The following PTPRG variants were observed in gnomAD, a reference collection of about 807,000 sequenced individuals.
PTPRG encodes protein tyrosine phosphatase receptor type G.
In PTPRG, 102 loss-of-function variants were observed where a neutral mutation model predicts 165.3. The observed-to-expected ratio is 0.62, with a 90% CI of 0.53 to 0.73. PTPRG has a LOEUF of 0.73. Among genes scored for constraint, PTPRG ranks in the 30% least tolerant of loss-of-function variants. PTPRG has a pLI of 0.00. For synonymous variants in PTPRG, 675 were observed against 669.5 expected, an observed-to-expected ratio of 1.01 and a Z score of -0.13; for missense variants, 1,866 against 1,861.4, an observed-to-expected ratio of 1.00 and a Z score of -0.05.
At chr3:61,909,524 A>AT (rs1212687621) in intron 2 of PTPRG, among the ~76,000 whole-genome samples, 1 of 151,900 alleles carries the variant, frequency 6.6e-6, no homozygotes, top group Non-Finnish European at 1.5e-5. Context: ...ATTTTTAAAA[A>AT]TTTTTTTGTA....
chr3:62,208,539 C>G (rs1488660306), intron 12 of PTPRG, among the ~76,000 whole-genome samples: 1 of 152,146 alleles, frequency 6.6e-6, no homozygotes, highest in East Asian at 1.9e-4. Context: ...GAGTCAGGTG[C>G]TAAGGGGACA....
At chr3:62,266,508 A>G (rs1477884176) in intron 17 of PTPRG, among the ~76,000 whole-genome samples, 1 of 151,992 alleles carries the variant, frequency 6.6e-6, no homozygotes, top group African/African-American at 2.4e-5. Flanking sequence ...TTTGGGGCCT[A>G]TTTATATCAA....
intron 2 of PTPRG, among the ~76,000 whole-genome samples, chr3:61,887,441 T>A (rs1021669927): frequency 6.6e-6 from 1 of 152,078 alleles, no homozygotes; most frequent in African/African-American, 2.4e-5. Context: ...GTGTACTGTT[T>A]ACAAACATGT....
chr3:61,664,048 G>C (rs1343835610), intron 1 of PTPRG, among the ~76,000 whole-genome samples: 5 of 152,180 alleles, frequency 3.3e-5, no homozygotes, highest in Admixed American at 3.3e-4. Context: ...TGTTATGATG[G>C]TCAGAGAACG....
chr3:62,029,167 G>A (rs1699681421), intron 4 of PTPRG, among the ~76,000 whole-genome samples: 1 of 152,122 alleles, frequency 6.6e-6, no homozygotes, highest in Admixed American at 6.5e-5. Context: ...CTTGTGAAGG[G>A]CCAGATGCAT....
chr3:61,947,304 C>T (rs1389945085), intron 2 of PTPRG, among the ~76,000 whole-genome samples: 1 of 152,054 alleles, frequency 6.6e-6, no homozygotes, highest in Admixed American at 6.6e-5. Flanking sequence ...TTTATGAAAC[C>T]AGTTACAATG....
intron 1 of PTPRG, among the ~76,000 whole-genome samples, chr3:61,592,641 C>CTTTTTTTTT (rs773860673): frequency 5.7e-5 from 8 of 139,976 alleles, no homozygotes; most frequent in African/African-American, 2.0e-4. Context: ...TTCTTTCTTT[C>CTTTTTTTTT]TTTCTTTCTT....
At chr3:61,659,506 G>C in intron 1 of PTPRG, 2 of 952,112 alleles carry the variant, frequency 2.1e-6, no homozygotes, top group South Asian at 9.7e-5. Context: ...TAGGGGTCTG[G>C]ATCCTGATTT....
intron 28 of PTPRG, among the ~76,000 whole-genome samples, chr3:62,285,677 A>G (rs758914869): frequency 3.3e-5 from 5 of 152,300 alleles, no homozygotes; most frequent in East Asian, 3.9e-4. Context: ...TCTATTGTCA[A>G]CTGTTCAAGA....
At chr3:61,928,955 A>G (rs1372357584) in intron 2 of PTPRG, among the ~76,000 whole-genome samples, 5 of 152,300 alleles carry the variant, frequency 3.3e-5, no homozygotes, top group South Asian at 2.1e-4. Flanking sequence ...GGTTGTCACA[A>G]CGGGAAGGAT....
At chr3:61,651,823 A>C (rs1702361737) in intron 1 of PTPRG, among the ~76,000 whole-genome samples, 1 of 152,196 alleles carries the variant, frequency 6.6e-6, no homozygotes, top group Non-Finnish European at 1.5e-5. Context: ...CAGCCTGGCC[A>C]ACCTGGCGAA....
intron 1 of PTPRG, among the ~76,000 whole-genome samples, chr3:61,594,236 A>C (rs918437907): frequency 2.0e-5 from 3 of 151,988 alleles, no homozygotes; most frequent in African/African-American, 7.3e-5. Context: ...AAACACAAAG[A>C]GAGGATGAAA....
At chr3:62,265,861 C>T (rs1559728595) in intron 17 of PTPRG, among the ~76,000 whole-genome samples, 1 of 135,982 alleles carries the variant, frequency 7.4e-6, no homozygotes, top group African/African-American at 2.7e-5. Context: ...CACACACACA[C>T]ACACACACAC....
Position 62,065,461 on chromosome 3 carries a change from C to A in PTPRG, c.520-12702C>A, listed in dbSNP as rs145429474. ...ACTGTTCAGTGAATACATGTACCAC[C>A]TTTGGCAGTCTTTCAGGGGGCTTGC... On this transcript the variant is annotated intron_variant, in intron 4 of 29. Coordinates refer to ENST00000474889, the MANE Select transcript of PTPRG (RefSeq NM_002841.4). 1.6e-4 allele frequency among the ~76,000 whole-genome samples: 24 copies of A among 152,314 alleles called. No individual in the cohort carries two copies. In the East Asian group the frequency reaches 4.3e-3, roughly 27 times the overall value.
In PTPRG at chr3:61,748,843, G is replaced by A. The variant is rs779859716; in HGVS notation, c.86-35G>A. On this transcript the variant is annotated intron_variant, in intron 1 of 29. Coordinates refer to ENST00000474889, the MANE Select transcript of PTPRG (RefSeq NM_002841.4). Reference sequence around the variant, plus strand: ...CCCTTCCTGTATCCAGTGGGGTGCTGCCTTTGTCTCATTGTGGGTTTTCCT... The same window carrying A: ...CCCTTCCTGTATCCAGTGGGGTGCTACCTTTGTCTCATTGTGGGTTTTCCT... 4.5e-6 allele frequency: 7 copies of A among 1,565,506 alleles called. No individual in the cohort carries two copies. The South Asian group carries it at 7.8e-5, about 17-fold the overall frequency.
At chr3:61,830,352 G>A (rs1258406976) in intron 2 of PTPRG, among the ~76,000 whole-genome samples, 2 of 152,226 alleles carry the variant, frequency 1.3e-5, no homozygotes, top group South Asian at 2.1e-4. Context: ...GGTTGATAAT[G>A]TTTAATTTAG....
rs910240589 is a variant in PTPRG at position 61,998,746 on chromosome 3, C to T, written c.371-4603C>T. 3.9e-5 allele frequency among the ~76,000 whole-genome samples: 6 copies of T among 152,226 alleles called. No homozygotes were observed. The South Asian group carries it at 1.2e-3, about 32-fold the overall frequency. On this transcript the variant is annotated intron_variant, in intron 3 of 29. Transcript: ENST00000474889. ...AGCTTCTTCTACTGTCTCCATCATTCTGCTTTGATTTCATCACAATCTACA... is the reference window on the plus strand; with the variant it reads ...AGCTTCTTCTACTGTCTCCATCATTTTGCTTTGATTTCATCACAATCTACA...
intron 17 of PTPRG, among the ~76,000 whole-genome samples, chr3:62,264,536 T>A (rs1291838667): frequency 6.6e-6 from 1 of 152,200 alleles, no homozygotes; most frequent in Non-Finnish European, 1.5e-5. Context: ...TATAAACAGA[T>A]TCATACTATA....
At position 62,203,085 on chromosome 3, in the gene PTPRG, G is replaced by T. The variant is rs2106838387; in HGVS notation, c.1378-88G>T. 1 of 1,511,794 alleles carries T rather than the reference G, an allele frequency of 6.6e-7. No homozygotes were observed. Among genetic ancestry groups the T allele is most frequent in the Non-Finnish European group, 8.8e-7 (1 of 1,130,744 alleles). 93.6% of individuals were successfully genotyped at this position (1,511,794 alleles called of 1,614,324 possible). On this transcript the variant is annotated intron_variant, in intron 11 of 29. Coordinates refer to ENST00000474889, the MANE Select transcript of PTPRG (RefSeq NM_002841.4). This position sits in a 1 kb window ranked among gnomAD's most constrained non-coding sequence, Gnocchi z 6.4. ...TAAAATCCTCAGAGGGTGACAACCAGGGCCTCATTCCCAATCTCAATTACT... is the reference window on the plus strand; with the variant it reads ...TAAAATCCTCAGAGGGTGACAACCATGGCCTCATTCCCAATCTCAATTACT...
Sources: gnomAD v4.1 joint callset for allele counts (sites outside exome capture counted in the v4.1 genomes callset) on GRCh38, gnomAD v4.1.1 for gene constraint, Gnocchi (gnomAD v3.1) non-coding constraint, MANE v1.5 for transcripts, NCBI Gene and HGNC (gene_info 2026-07-23, HGNC 2026-07-21) for gene names.